The following ATRIP variants were observed in gnomAD, a reference collection of about 807,000 sequenced individuals.
ATRIP encodes ATR interacting protein, also known as ATR-interacting protein.
ATRIP carries 44 observed loss-of-function variants against 78.1 expected under a neutral mutation model. That is an observed-to-expected ratio of 0.56 (90% confidence interval 0.44 to 0.72). ATRIP has a LOEUF of 0.72. Ranked by LOEUF, ATRIP falls within the 30% of genes least tolerant of loss-of-function variation. ATRIP has a pLI of 0.00. For synonymous variants in ATRIP, 388 were observed against 408.9 expected, an observed-to-expected ratio of 0.95 and a Z score of 0.62; for missense variants, 927 against 980.2, an observed-to-expected ratio of 0.95 and a Z score of 0.72.
At chr3:48,460,073 C>T (rs1379665263) in intron 7 of ATRIP, 37 bp from the exon 8 acceptor site, 2 of 1,579,918 alleles carry the variant, frequency 1.3e-6, no homozygotes, top group Non-Finnish European at 1.7e-6. Flanking sequence ...TATCTCCATC[C>T]CACACTTAAT....
chr3:48,466,214 G>T lies in ATRIP; in HGVS notation c.*660G>T. On this transcript the variant is annotated 3_prime_UTR_variant, in exon 13 of 13. Coordinates refer to ENST00000320211, the MANE Select transcript of ATRIP (RefSeq NM_130384.3). ...CTGGCTCACGTGGGCCTGTAGGCGG[G>T]CCCACGCCAAGTTTCACTTCCCGCC... is the stretch of plus-strand genomic sequence containing the variant. 1 of 570,150 alleles carries T rather than the reference G, an allele frequency of 1.8e-6. No individual in the cohort carries two copies. Among genetic ancestry groups the T allele is most frequent in the East Asian group, 3.0e-5 (1 of 33,312 alleles). 35.3% of individuals were successfully genotyped at this position (570,150 alleles called of 1,614,324 possible). A position where few individuals can be genotyped will look rare whatever the true frequency, so the allele number is the denominator to read the frequency against.
Position 48,447,019 on chromosome 3 carries a change from C to A in ATRIP, c.174C>A (p.Asp58Glu), listed in dbSNP as rs752960407. ...GCGCGCATGGGGACTTCACTGCCGA[C>A]GACCTGGAGGAGCTTGACACCCTCG... is the stretch of plus-strand genomic sequence containing the variant. ...PFGAHGDFTA[D>E]DLEELDTLAS... The change falls in exon 1 of 13, where the codon GAC (aspartate) becomes GAA (glutamate). Residue 58 changes from aspartate (D) to glutamate (E), a missense_variant. By Grantham distance (45) the Asp-to-Glu change is conservative (BLOSUM62 2). Transcript: ENST00000320211. The A allele has an allele frequency of 7.6e-6, 12 of 1,580,902 alleles. No individual in the cohort carries two copies. In the African/African-American group the frequency reaches 1.4e-4, roughly 18 times the overall value.
In ATRIP at chr3:48,467,152, G is replaced by A; in HGVS notation, c.*1598G>A. 6.2e-7 allele frequency: 1 copy of A among 1,614,024 alleles called. No homozygotes were observed. The highest frequency in any genetic ancestry group is 8.5e-7 in the Non-Finnish European group (1 of 1,180,022). The stretch of plus-strand genomic sequence containing the variant: ...GCGCTGAAGGCCCTGGAGCGAGCAA[G>A]CAGCCCCTCAGAACACGGCCCAAGG... On this transcript the variant is annotated 3_prime_UTR_variant, in exon 13 of 13. Transcript: ENST00000320211.
At chr3:48,453,924 T>C (rs1452278284) in intron 3 of ATRIP, among the ~76,000 whole-genome samples, 1 of 152,160 alleles carries the variant, frequency 6.6e-6, no homozygotes, top group Non-Finnish European at 1.5e-5. Context: ...TTCTTTTTTT[T>C]ATTTTTTAAA....
Position 48,446,965 on chromosome 3 carries a change from C to A in ATRIP, c.120C>A (p.Ala40=). 1 of 1,549,036 alleles carries A rather than the reference C, an allele frequency of 6.5e-7. No individual in the cohort carries two copies. The highest frequency in any genetic ancestry group is 1.7e-4 in the Middle Eastern group (1 of 5,852). ...AGCGGGCCCGGGGCTTCTCCGCAGC[C>A]GCTGCCCCGGACCCTGACGACCCGT... ...PSKRARGFSA[A]AAPDPDDPFG... is the part of the protein sequence containing the mutation. Residue 40 remains alanine (A), a synonymous_variant, in exon 1 of 13, where the codon GCC becomes GCA. Transcript: ENST00000320211.
chr3:48,459,530 G>C, intron 6 of ATRIP, 76 bp downstream of exon 6: 1 of 1,431,574 alleles, frequency 7.0e-7, no homozygotes, highest in Non-Finnish European at 9.8e-7. Flanking sequence ...CCAGGCCTCT[G>C]AGAACCGGTG....
rs2040087815 is a variant in ATRIP, at chr3:48,460,891, G to C, written c.1745+92G>C. 1.5e-5 allele frequency: 19 copies of C among 1,253,856 alleles called. No individual in the cohort carries two copies. In the South Asian group the frequency reaches 2.7e-4, roughly 18 times the overall value. The allele number at this position is 1,253,856 out of a possible 1,614,324, so 77.7% of individuals were successfully genotyped here. A position where few individuals can be genotyped will look rare whatever the true frequency, so the allele number is the denominator to read the frequency against. On this transcript the variant is annotated intron_variant, in intron 8 of 12. Transcript: ENST00000320211. ...GGCACTTGTACTTTGCTCACATCTT[G>C]ACTTATCTACACTAGTTAGTTCTAA...
chr3:48,458,313 T>C (rs1222346331), intron 5 of ATRIP, among the ~76,000 whole-genome samples: 1 of 139,932 alleles, frequency 7.1e-6, no homozygotes. Flanking sequence ...GAATCTGTTT[T>C]TCTTTTCTTG....
In ATRIP at chr3:48,457,348, G is replaced by C. The variant is rs376399335; in HGVS notation, c.761G>C (p.Ser254Thr). ...KTSFPTKESF[S>T]ANMSLPHPCQ... ...TCTTTTCCTACAAAGGAGTCTTTTA[G>C]TGCTAACATGTCCCTTCCCCACCCC... Residue 254 changes from serine (S) to threonine (T), a missense_variant, in exon 5 of 13, where the codon AGT (serine) becomes ACT (threonine). Ser to Thr is a moderately conservative substitution (Grantham distance 58, BLOSUM62 1). Transcript: ENST00000320211. 8 of 1,608,428 alleles carry C rather than the reference G, an allele frequency of 5.0e-6. No individual in the cohort carries two copies. The East Asian group carries it at 1.8e-4, about 36-fold the overall frequency.
Position 48,457,258 on chromosome 3 carries a change from G to C in ATRIP, c.672-1G>C. The C allele has an allele frequency of 1.9e-6, 3 of 1,562,474 alleles. No individual in the cohort carries two copies. Among genetic ancestry groups the C allele is most frequent in the Non-Finnish European group, 2.6e-6 (3 of 1,156,980 alleles). On this transcript the variant is annotated splice_acceptor_variant, in intron 4 of 12. Coordinates refer to ENST00000320211, the MANE Select transcript of ATRIP (RefSeq NM_130384.3). LOFTEE classifies it high-confidence loss of function. ...TTGCTTTCATAGTTAACTTTTTCCA[G>C]TCCTAGGAAAAACCCTTCTGTGGTT... is the stretch of plus-strand genomic sequence containing the variant.
At chr3:48,462,566 G>A (rs2040147468) in intron 8 of ATRIP, among the ~76,000 whole-genome samples, 1 of 152,058 alleles carries the variant, frequency 6.6e-6, no homozygotes, top group African/African-American at 2.4e-5. Context: ...AGCTGGGCGT[G>A]GTGGCAGGCA....
intron 6 of ATRIP, 144 bp from the exon 7 acceptor site, chr3:48,459,643 T>C: frequency 1.6e-6 from 2 of 1,233,396 alleles, no homozygotes; most frequent in East Asian, 2.3e-5. Context: ...TCCCAGAGCC[T>C]TCCGCACCCA....
intron 5 of ATRIP, 29 bp downstream of exon 5, chr3:48,457,445 T>TA: frequency 6.9e-7 from 1 of 1,444,182 alleles, no homozygotes; most frequent in Non-Finnish European, 9.2e-7. Context: ...TATTGATGTA[T>TA]AACAAGCTAC....
Position 48,446,968 on chromosome 3 carries a change from T to C in ATRIP, c.123T>C (p.Ala41=). 6.5e-7 allele frequency: 1 copy of C among 1,549,652 alleles called. No homozygotes were observed. The highest frequency in any genetic ancestry group is 8.7e-7 in the Non-Finnish European group (1 of 1,151,074). ...GGGCCCGGGGCTTCTCCGCAGCCGC[T>C]GCCCCGGACCCTGACGACCCGTTCG... is the stretch of plus-strand genomic sequence containing the variant. The part of the protein sequence containing the change: ...SKRARGFSAA[A]APDPDDPFGA... Residue 41 remains alanine (A), a synonymous_variant, in exon 1 of 13, where the codon GCT becomes GCC. Transcript: ENST00000320211.
chr3:48,459,988 C>T, intron 7 of ATRIP, 72 bp downstream of exon 7: 4 of 1,566,796 alleles, frequency 2.6e-6, no homozygotes, highest in Non-Finnish European at 3.4e-6. Flanking sequence ...CTGGCCCTGG[C>T]CAGCCTGAGA....
rs765487310 is a variant in ATRIP, at chr3:48,467,563, C to T, written c.*2009C>T. 9 of 1,613,806 alleles carry T rather than the reference C, an allele frequency of 5.6e-6. No individual in the cohort carries two copies. The highest frequency in any genetic ancestry group is 5.1e-6 in the Non-Finnish European group (6 of 1,179,936). On this transcript the variant is annotated 3_prime_UTR_variant, in exon 13 of 13. Transcript: ENST00000320211. The stretch of plus-strand genomic sequence containing the variant: ...GCCATCCTGACCTTGGCAGTAGCCA[C>T]ACTGTATGGACTATCCCTGGCCACA...
At position 48,459,394 on chromosome 3, in the gene ATRIP, A is replaced by C. The variant is rs745576496; in HGVS notation, c.865A>C (p.Lys289Gln). ...KPHSLRGDSI[K>Q]QEEAQKSFVD... Reference sequence around the variant, plus strand: ...CCACAGTCTGAGAGGTGACTCCATAAAACAAGAAGAGGCCCAGAAAAGCTT... The same window carrying C: ...CCACAGTCTGAGAGGTGACTCCATACAACAAGAAGAGGCCCAGAAAAGCTT... Residue 289 changes from lysine (K) to glutamine (Q), a missense_variant, in exon 6 of 13, where the codon AAA (lysine) becomes CAA (glutamine). Transcript: ENST00000320211. 6.2e-7 allele frequency: 1 copy of C among 1,614,030 alleles called. No homozygotes were observed. The highest frequency in any genetic ancestry group is 1.3e-5 in the African/African-American group (1 of 74,940).
rs749455816 is a variant in ATRIP, at chr3:48,451,866, AC to A, written c.520del (p.Leu174SerfsTer26). The A allele has an allele frequency of 1.2e-6, 2 of 1,609,194 alleles. No individual in the cohort carries two copies. The highest frequency in any genetic ancestry group is 1.1e-5 in the South Asian group (1 of 89,934). ...TTCTTGAGCAAGAGAAAACCCAAGCACTCAGTGACAAGGAAAAGGAATTCTC... is the reference window on the plus strand; with the variant it reads ...TTCTTGAGCAAGAGAAAACCCAAGCATCAGTGACAAGGAAAAGGAATTCTC... ...FLLEQEKTQALSDKEKEFSKK... is the reference protein window; with the variant it reads ...FLLEQEKTQAXSDKEKEFSKK... On this transcript the variant is annotated frameshift_variant, in exon 3 of 13. Coordinates refer to ENST00000320211, the MANE Select transcript of ATRIP (RefSeq NM_130384.3). LOFTEE classifies it high-confidence loss of function.
intron 8 of ATRIP, among the ~76,000 whole-genome samples, chr3:48,462,141 A>T (rs1022726077): frequency 2.0e-5 from 3 of 152,024 alleles, no homozygotes; most frequent in African/African-American, 7.2e-5. Context: ...CAGCGTGGGC[A>T]ACAAAGCAAG....
Sources: allele counts gnomAD v4.1 joint callset (sites outside exome capture counted in the v4.1 genomes callset), GRCh38; gene constraint gnomAD v4.1.1; transcripts MANE v1.5; gene names NCBI Gene and HGNC (gene_info 2026-07-23, HGNC 2026-07-21).